The following GIPC2 variants were observed in gnomAD, a reference collection of about 807,000 sequenced individuals.
The protein encoded by GIPC2 is GIPC PDZ domain containing family member 2, also known as PDZ domain-containing protein GIPC2.
In GIPC2, 30 loss-of-function variants were observed where a neutral mutation model predicts 30.6. The ratio of observed to expected loss-of-function variants is 0.98; its 90% confidence interval spans 0.73 to 1.33. The LOEUF (loss-of-function observed/expected upper bound fraction) is 1.33. Among genes scored for constraint, GIPC2 ranks in the 40% most tolerant of loss-of-function variants. GIPC2 has a pLI of 0.00. For synonymous variants in GIPC2, 167 were observed against 150.0 expected (o/e 1.11, Z -0.83); for missense variants, 414 against 390.3 (o/e 1.06, Z -0.51).
intron 5 of GIPC2, among the ~76,000 whole-genome samples, chr1:78,128,192 AT>A (rs1470166569): frequency 3.3e-5 from 5 of 152,120 alleles, no homozygotes; most frequent in African/African-American, 1.2e-4. Context: ...TGCCTGGCTA[AT>A]TTTTTTAATT....
chr1:78,047,090 T>G (rs1028890090), intron 1 of GIPC2, among the ~76,000 whole-genome samples: 1 of 152,208 alleles, frequency 6.6e-6, no homozygotes, highest in Admixed American at 6.5e-5. Flanking sequence ...TTTAATTAGA[T>G]TTCATGGGGG....
At chr1:78,095,403 C>G (rs1157954780) in intron 3 of GIPC2, among the ~76,000 whole-genome samples, 1 of 152,158 alleles carries the variant, frequency 6.6e-6, no homozygotes, top group Non-Finnish European at 1.5e-5. Context: ...TTTGATGTGG[C>G]TGTTCCTATC....
intron 1 of GIPC2, among the ~76,000 whole-genome samples, chr1:78,055,876 A>G (rs1661286109): frequency 6.6e-6 from 1 of 152,110 alleles, no homozygotes; most frequent in African/African-American, 2.4e-5. Context: ...ATTTAGGGGA[A>G]CGTAAATGGC....
chr1:78,051,616 C>G (rs1661199265), intron 1 of GIPC2, among the ~76,000 whole-genome samples: 2 of 152,080 alleles, frequency 1.3e-5, no homozygotes, highest in South Asian at 4.1e-4. Flanking sequence ...TCTCCTGCCT[C>G]AGCCTCCTGA....
At chr1:78,063,078 C>T (rs758228068) in intron 1 of GIPC2, among the ~76,000 whole-genome samples, 8 of 152,104 alleles carry the variant, frequency 5.3e-5, no homozygotes, top group Admixed American at 2.0e-4. Context: ...TTTGTGATAC[C>T]GTCTTTACTT....
chr1:78,104,327 C>T lies in GIPC2; in HGVS notation c.607+9195C>T, dbSNP rs145180998. Among the ~76,000 whole-genome samples, 312 of 152,186 alleles carry T rather than the reference C, an allele frequency of 2.1e-3. 4 individuals carry two copies. Among genetic ancestry groups the T allele is most frequent in the African/African-American group, 6.7e-3 (280 of 41,500 alleles). On this transcript the variant is annotated intron_variant, in intron 3 of 5. Transcript: ENST00000370759. ...GCTCAGGACCCTATTAATAAGAGCT[C>T]TGAAAACTCTTATTTTTCAGAGCTC...
rs552291836 is a variant in GIPC2 at position 78,102,104 on chromosome 1, G to A, written c.607+6972G>A. ...AATATTTCTGTAAGAGTTTTCAAAAGCAGGAAGAAAATTGGAAGAAGAAAC... is the reference window on the plus strand; with the variant it reads ...AATATTTCTGTAAGAGTTTTCAAAAACAGGAAGAAAATTGGAAGAAGAAAC... On this transcript the variant is annotated intron_variant, in intron 3 of 5. Coordinates refer to ENST00000370759, the MANE Select transcript of GIPC2 (RefSeq NM_017655.6). Among the ~76,000 whole-genome samples the A allele has an allele frequency of 2.0e-5, 3 of 152,324 alleles. No individual in the cohort carries two copies. In the East Asian group the frequency reaches 5.8e-4, roughly 29 times the overall value.
intron 1 of GIPC2, among the ~76,000 whole-genome samples, chr1:78,070,849 C>G (rs1335827178): frequency 6.6e-6 from 1 of 151,958 alleles, no homozygotes; most frequent in Admixed American, 6.6e-5. Context: ...AAAAGTAGTT[C>G]TACTGGAGAA....
chr1:78,078,481 T>G (rs1661760955), intron 1 of GIPC2, among the ~76,000 whole-genome samples: 1 of 152,306 alleles, frequency 6.6e-6, no homozygotes, highest in South Asian at 2.1e-4. Context: ...AAGATATAGC[T>G]GGCTCCATTC....
chr1:78,069,105 TAATC>T (rs1661571715), intron 1 of GIPC2: 2 of 985,218 alleles, frequency 2.0e-6, no homozygotes, highest in Non-Finnish European at 2.4e-6. Context: ...AGGTTGCTGA[TAATC>T]AACAACTCCG....
chr1:78,077,657 T>TA (rs1557534172), intron 1 of GIPC2, among the ~76,000 whole-genome samples: 2 of 152,064 alleles, frequency 1.3e-5, no homozygotes, highest in African/African-American at 4.8e-5. Flanking sequence ...TGTTATATTT[T>TA]AAAAAAAAGT....
chr1:78,104,651 A>C (rs1557544109), intron 3 of GIPC2, among the ~76,000 whole-genome samples: 1 of 152,152 alleles, frequency 6.6e-6, no homozygotes, highest in East Asian at 1.9e-4. Flanking sequence ...GATTGATGAC[A>C]CTTAGCTAAA....
At chr1:78,132,193 T>C (rs1384748438) in intron 5 of GIPC2, among the ~76,000 whole-genome samples, 1 of 152,220 alleles carries the variant, frequency 6.6e-6, no homozygotes, top group Admixed American at 6.5e-5. Context: ...AATAATCTTA[T>C]AGGGTTGCCA....
intron 3 of GIPC2, among the ~76,000 whole-genome samples, chr1:78,106,609 G>T (rs939969955): frequency 4.6e-5 from 7 of 152,160 alleles, no homozygotes; most frequent in African/African-American, 1.7e-4. Context: ...AACACAACGT[G>T]CTGTAATATC....
At chr1:78,068,069 A>G (rs1362543614) in intron 1 of GIPC2, among the ~76,000 whole-genome samples, 1 of 152,208 alleles carries the variant, frequency 6.6e-6, no homozygotes, top group East Asian at 1.9e-4. Context: ...AAACTTGGGC[A>G]ATAATACAAT....
At chr1:78,045,750 G>A, upstream of GIPC2, 3 of 985,488 alleles carry the variant, frequency 3.0e-6, no homozygotes. Context: ...AAGGGCCAGC[G>A]TGTTTGCCTT....
chr1:78,127,521 G>T (rs905277456), intron 5 of GIPC2, among the ~76,000 whole-genome samples: 1 of 152,320 alleles, frequency 6.6e-6, no homozygotes, highest in Middle Eastern at 3.4e-3. Flanking sequence ...TTTGTGGAAG[G>T]TCAGATAAAC....
Position 78,058,767 on chromosome 1 carries a change from G to A in GIPC2, c.240+12433G>A, listed in dbSNP as rs946169983. Among the ~76,000 whole-genome samples, 7 of 151,992 alleles carry A rather than the reference G, an allele frequency of 4.6e-5. No homozygotes were observed. The East Asian group carries it at 7.7e-4, about 17-fold the overall frequency. ...TATTCCCTTCACTTATTTGAGTATC[G>A]TGCTCTCCCTTTTTTCCTGCATAAC... On this transcript the variant is annotated intron_variant, in intron 1 of 5. Transcript: ENST00000370759.
intron 1 of GIPC2, among the ~76,000 whole-genome samples, chr1:78,061,621 C>T (rs1416106995): frequency 1.2e-5 from 1 of 85,482 alleles, no homozygotes; most frequent in African/African-American, 2.8e-5. Context: ...CTGTTTCAGC[C>T]TCCTGAGTAG....
Sources: gnomAD v4.1 joint callset for allele counts (sites outside exome capture counted in the v4.1 genomes callset) on GRCh38, gnomAD v4.1.1 for gene constraint, MANE v1.5 for transcripts, NCBI Gene and HGNC (gene_info 2026-07-23, HGNC 2026-07-21) for gene names.